Variants in ACKR3 observed in about 807,000 individuals in gnomAD.
ACKR3 encodes the protein C-X-C chemokine receptor type 7.
In ACKR3, 6 loss-of-function variants were observed where a neutral mutation model predicts 22.4. The ratio of observed to expected loss-of-function variants is 0.27; its 90% CI spans 0.15 to 0.53. The LOEUF is 0.53. Among genes scored for constraint, ACKR3 ranks in the 20% least tolerant of loss-of-function variants. ACKR3 has a pLI of 0.96. For synonymous variants in ACKR3, 209 were observed against 205.2 expected (o/e 1.02, Z -0.16); for missense variants, 396 against 475.2 (o/e 0.83, Z 1.55).
At chr2:236,541,877 C>T in the ACKR3 span, among the ~76,000 whole-genome samples, 1 of 152,326 alleles carries the variant, frequency 6.6e-6, no homozygotes, top group Admixed American at 6.5e-5. Context: ...TAAGATGTGA[C>T]TTTGCTCCTC....
chr2:236,578,917 T>G (rs1691466249), intron 1 of ACKR3, among the ~76,000 whole-genome samples: 1 of 152,244 alleles, frequency 6.6e-6, no homozygotes, highest in South Asian at 2.1e-4. Flanking sequence ...GGTTCTTTCT[T>G]CCTGGCCAGG....
Position 236,569,919 on chromosome 2 carries a change from C to A in ACKR3, c.-32C>A. Reference sequence around the variant, plus strand: ...AGCCAGCCCAGCCAGCCCAGCCAGCCCGGAGGTAAGGAAACGGTGCTCGGG... The same window carrying A: ...AGCCAGCCCAGCCAGCCCAGCCAGCACGGAGGTAAGGAAACGGTGCTCGGG... On this transcript the variant is annotated 5_prime_UTR_variant, in exon 1 of 2. Coordinates refer to ENST00000272928, the MANE Select transcript of ACKR3 (RefSeq NM_020311.3). 6.5e-6 allele frequency: 1 copy of A among 153,056 alleles called. No homozygotes were observed. Among genetic ancestry groups the A allele is most frequent in the Non-Finnish European group, 1.5e-5 (1 of 68,648 alleles). The allele number at this position is 153,056 out of a possible 1,614,324, so 9.5% of individuals were successfully genotyped here. A position where few individuals can be genotyped will look rare whatever the true frequency, so the allele number is the denominator to read the frequency against.
At chr2:236,541,441 T>C in the ACKR3 span, among the ~76,000 whole-genome samples, 3 of 152,272 alleles carry the variant, frequency 2.0e-5, no homozygotes, top group Admixed American at 2.0e-4. Flanking sequence ...CACCTCTTTC[T>C]CTCCTTCTCA....
chr2:236,575,225 G>T (rs1175122026), intron 1 of ACKR3, among the ~76,000 whole-genome samples: 3 of 152,242 alleles, frequency 2.0e-5, no homozygotes, highest in Non-Finnish European at 4.4e-5. Context: ...AGTTTATAGA[G>T]TAAAAACTAC....
chr2:236,540,770 C>T, the ACKR3 span, among the ~76,000 whole-genome samples: 1 of 152,148 alleles, frequency 6.6e-6, no homozygotes, highest in Admixed American at 6.5e-5. Context: ...TCATTGATCG[C>T]ATTGGTGTCT....
chr2:236,561,746 C>A, the ACKR3 span, among the ~76,000 whole-genome samples: 2 of 152,360 alleles, frequency 1.3e-5, no homozygotes, highest in African/African-American at 4.8e-5. Context: ...CTCACCTTGG[C>A]CTCCCAAAGT....
chr2:236,544,553 T>C, the ACKR3 span, among the ~76,000 whole-genome samples: 12 of 152,192 alleles, frequency 7.9e-5, no homozygotes, highest in African/African-American at 2.9e-4. This position sits in a 1 kb window ranked among gnomAD's most constrained non-coding sequence, Gnocchi z 5.0. Flanking sequence ...TGAGGGCTCG[T>C]AGCTTGGGTT....
the ACKR3 span, among the ~76,000 whole-genome samples, chr2:236,547,292 C>CT: frequency 1.3e-5 from 2 of 152,118 alleles, no homozygotes; most frequent in Non-Finnish European, 2.9e-5. Context: ...ATTTCAAGTC[C>CT]TACAGTATAA....
chr2:236,577,573 C>T lies in ACKR3; in HGVS notation c.-26-2867C>T, dbSNP rs774080700. Among the ~76,000 whole-genome samples the T allele has an allele frequency of 1.3e-5, 2 of 152,136 alleles. No homozygotes were observed. Among genetic ancestry groups the T allele is most frequent in the African/African-American group, 4.8e-5 (2 of 41,432 alleles). Reference sequence around the variant, plus strand: ...TCGAGATGTGGGAACCAGGCGTCTTCTCACTGAGTGACCCTGCCTCCTGCT... The same window carrying T: ...TCGAGATGTGGGAACCAGGCGTCTTTTCACTGAGTGACCCTGCCTCCTGCT... On this transcript the variant is annotated intron_variant, in intron 1 of 1. Transcript: ENST00000272928. This position sits in a 1 kb window ranked among gnomAD's most constrained non-coding sequence, Gnocchi z 5.6.
the ACKR3 span, among the ~76,000 whole-genome samples, chr2:236,550,185 C>G: frequency 4.6e-5 from 7 of 152,248 alleles, no homozygotes; most frequent in Non-Finnish European, 8.8e-5. The surrounding 1 kb of genome is among the most constrained non-coding windows in gnomAD (Gnocchi z 4.6). Context: ...CCTGGCCATT[C>G]TGCACAGTGA....
the ACKR3 span, among the ~76,000 whole-genome samples, chr2:236,559,302 C>T: frequency 6.6e-6 from 1 of 152,162 alleles, no homozygotes. Flanking sequence ...TAGGTAACAG[C>T]AAGTAATATA....
chr2:236,573,429 A>C (rs1309545980), intron 1 of ACKR3, among the ~76,000 whole-genome samples: 4 of 152,192 alleles, frequency 2.6e-5, no homozygotes, highest in African/African-American at 9.7e-5. Flanking sequence ...GCGCACCATA[A>C]CCCAGTCTCT....
At chr2:236,573,406 T>A (rs1691348688) in intron 1 of ACKR3, among the ~76,000 whole-genome samples, 1 of 152,222 alleles carries the variant, frequency 6.6e-6, no homozygotes, top group Non-Finnish European at 1.5e-5. Flanking sequence ...GAGAACTCTG[T>A]TCTTAGCCAC....
the ACKR3 span, among the ~76,000 whole-genome samples, chr2:236,540,712 G>A: frequency 6.6e-6 from 1 of 151,912 alleles, no homozygotes; most frequent in Non-Finnish European, 1.5e-5. Context: ...TTTTCCTCAC[G>A]TGGTTATCCA....
At chr2:236,546,575 G>A in the ACKR3 span, among the ~76,000 whole-genome samples, 4 of 152,324 alleles carry the variant, frequency 2.6e-5, no homozygotes, top group East Asian at 7.7e-4. The surrounding 1 kb of genome is among the most constrained non-coding windows in gnomAD (Gnocchi z 4.9). Flanking sequence ...TGGAGAGGGC[G>A]CTCAGGCCTG....
chr2:236,570,575 T>G (rs1272886243), intron 1 of ACKR3, among the ~76,000 whole-genome samples: 1 of 152,226 alleles, frequency 6.6e-6, no homozygotes, highest in Non-Finnish European at 1.5e-5. Context: ...GCTAATCTAA[T>G]TTGAGTATTG....
intron 1 of ACKR3, among the ~76,000 whole-genome samples, chr2:236,572,932 G>A (rs775556945): frequency 5.9e-5 from 9 of 152,140 alleles, no homozygotes; most frequent in African/African-American, 9.7e-5. Flanking sequence ...TATTTTTTGC[G>A]TTCTCAAGTA....
At chr2:236,558,470 G>A in the ACKR3 span, among the ~76,000 whole-genome samples, 1 of 152,146 alleles carries the variant, frequency 6.6e-6, no homozygotes, top group African/African-American at 2.4e-5. Context: ...TTCTCAATCT[G>A]GTCTGGGAGA....
At chr2:236,565,625 G>A (rs1329667938), upstream of ACKR3, among the ~76,000 whole-genome samples, 2 of 152,062 alleles carry the variant, frequency 1.3e-5, no homozygotes, top group African/African-American at 4.8e-5. Flanking sequence ...TCTTTATGAG[G>A]GCTCCTGTGC....
Sources: allele counts gnomAD v4.1 joint callset (sites outside exome capture counted in the v4.1 genomes callset), GRCh38; gene constraint gnomAD v4.1.1; non-coding constraint Gnocchi (gnomAD v3.1); transcripts MANE v1.5; gene names NCBI Gene and HGNC (gene_info 2026-07-23, HGNC 2026-07-21).